Variants in DNAJC24 observed in about 807,000 individuals in gnomAD.
DNAJC24 encodes dnaJ homolog subfamily C member 24.
In DNAJC24, 17 loss-of-function variants were observed where a neutral mutation model predicts 18.0. The observed-to-expected ratio is 0.94, with a 90% CI of 0.65 to 1.42. DNAJC24 has a LOEUF of 1.42. Among genes scored for constraint, DNAJC24 ranks in the 40% most tolerant of loss-of-function variants. DNAJC24 has a pLI of 0.00. For missense variants in DNAJC24, 158 were observed against 175.6 expected (o/e 0.90, Z 0.57); for synonymous variants, 55 against 57.7 (o/e 0.95, Z 0.21).
intron 2 of DNAJC24, among the ~76,000 whole-genome samples, chr11:31,371,317 T>G (rs976660474): frequency 6.6e-6 from 1 of 152,220 alleles, no homozygotes; most frequent in African/African-American, 2.4e-5. Context: ...TAAAAGGAAT[T>G]AAAATAATTT....
intron 2 of DNAJC24, among the ~76,000 whole-genome samples, chr11:31,386,102 C>T (rs1952427708): frequency 1.3e-5 from 2 of 152,080 alleles, no homozygotes; most frequent in African/African-American, 4.8e-5. Flanking sequence ...ATCTGAGTTC[C>T]AATTCCAGCA....
At chr11:31,416,928 C>T (rs1178940331) in intron 3 of DNAJC24, 1 of 152,082 alleles carries the variant, frequency 6.6e-6, no homozygotes. Context: ...AATGGAAGCA[C>T]CTGTGGCCTA....
intron 2 of DNAJC24, among the ~76,000 whole-genome samples, chr11:31,377,965 C>T (rs1952334834): frequency 6.6e-6 from 1 of 152,000 alleles, no homozygotes; most frequent in Admixed American, 6.5e-5. Flanking sequence ...CAGAGGGTCT[C>T]ATTTGATTAG....
At chr11:31,409,351 T>C (rs746497408) in intron 2 of DNAJC24, among the ~76,000 whole-genome samples, 12 of 152,202 alleles carry the variant, frequency 7.9e-5, no homozygotes, top group Non-Finnish European at 1.6e-4. Flanking sequence ...AAATAAGATA[T>C]AGCACATTTC....
intron 2 of DNAJC24, among the ~76,000 whole-genome samples, chr11:31,392,376 AC>A (rs1361929983): frequency 6.6e-6 from 1 of 152,118 alleles, no homozygotes. Flanking sequence ...AAATATATAA[AC>A]CTAGTATGTA....
intron 2 of DNAJC24, among the ~76,000 whole-genome samples, chr11:31,397,371 T>C (rs2133482778): frequency 6.6e-6 from 1 of 152,344 alleles, no homozygotes; most frequent in African/African-American, 2.4e-5. Context: ...CATGTTTCAT[T>C]TGTTAACTTG....
intron 3 of DNAJC24, among the ~76,000 whole-genome samples, chr11:31,420,241 A>G (rs913179880): frequency 2.0e-5 from 3 of 152,086 alleles, no homozygotes; most frequent in Non-Finnish European, 4.4e-5. Flanking sequence ...GTTATTAATC[A>G]GAACCATCCT....
chr11:31,370,790 C>T lies in DNAJC24; in HGVS notation c.42C>T (p.Ser14=), dbSNP rs754945097. The part of the protein sequence containing the change: ...VEQMPKKDWY[S]ILGADPSANI... The stretch of plus-strand genomic sequence containing the variant: ...AGATGCCAAAAAAGGATTGGTACAG[C>T]ATCCTGGGAGCAGACCCATCTGCAA... Residue 14 remains serine (S), a synonymous_variant, in exon 2 of 5, where the codon AGC becomes AGT. Transcript: ENST00000465995. 7 of 1,613,182 alleles carry T rather than the reference C, an allele frequency of 4.3e-6. No homozygotes were observed. In the East Asian group the frequency reaches 8.9e-5, roughly 21 times the overall value.
At chr11:31,402,254 G>C (rs1383384477) in intron 2 of DNAJC24, among the ~76,000 whole-genome samples, 1 of 149,100 alleles carries the variant, frequency 6.7e-6, no homozygotes, top group Non-Finnish European at 1.5e-5. Flanking sequence ...CCATAGAAAA[G>C]GTACAGTAAA....
At chr11:31,423,672 TTA>T (rs1432282615) in intron 3 of DNAJC24, among the ~76,000 whole-genome samples, 1 of 152,182 alleles carries the variant, frequency 6.6e-6, no homozygotes, top group African/African-American at 2.4e-5. Flanking sequence ...ATACAGTGTG[TTA>T]TATTTTTTTG....
intron 3 of DNAJC24, chr11:31,416,002 G>A (rs1591918988): frequency 6.6e-6 from 1 of 152,250 alleles, no homozygotes; most frequent in South Asian, 2.1e-4. Flanking sequence ...GAAAATTAAG[G>A]TTTCTTATAG....
intron 2 of DNAJC24, chr11:31,407,445 A>C (rs1240989794): frequency 3.3e-5 from 5 of 152,002 alleles, no homozygotes; most frequent in Admixed American, 2.6e-4. Flanking sequence ...TGAATATATA[A>C]TATTCACAAG....
intron 2 of DNAJC24, among the ~76,000 whole-genome samples, chr11:31,371,814 C>CTTTTT (rs1196949855): frequency 2.7e-5 from 2 of 73,840 alleles, no homozygotes; most frequent in Non-Finnish European, 2.8e-5. Flanking sequence ...TATCAGTTGA[C>CTTTTT]TTTTTTTTTT....
rs1463820398 is a variant in DNAJC24, at chr11:31,369,921, G to C, written c.-34+9G>C. ...CGCCTATGTGAAGTTAGGTAGGTCT[G>C]ATGTCGTATAAAGCGCGGAGAGGGT... On this transcript the variant is annotated intron_variant, in intron 1 of 4. Coordinates refer to ENST00000465995, the MANE Select transcript of DNAJC24 (RefSeq NM_181706.5). 1 of 152,598 alleles carries C rather than the reference G, an allele frequency of 6.6e-6. No homozygotes were observed. The highest frequency in any genetic ancestry group is 2.4e-5 in the African/African-American group (1 of 41,458). The allele number at this position is 152,598 out of a possible 1,614,324, so 9.5% of individuals were successfully genotyped here. A position where few individuals can be genotyped will look rare whatever the true frequency, so the allele number is the denominator to read the frequency against.
intron 2 of DNAJC24, among the ~76,000 whole-genome samples, chr11:31,393,103 G>A (rs1019091430): frequency 7.6e-4 from 115 of 152,116 alleles, no homozygotes; most frequent in African/African-American, 2.7e-3. Context: ...AGTCCAAATG[G>A]ACTAAGACAG....
At chr11:31,399,661 C>T (rs1204361260) in intron 2 of DNAJC24, among the ~76,000 whole-genome samples, 1 of 151,546 alleles carries the variant, frequency 6.6e-6, no homozygotes, top group African/African-American at 2.4e-5. Context: ...ATCTGCCCGC[C>T]TCGGCCTCCC....
At chr11:31,387,314 C>T (rs200501218) in intron 2 of DNAJC24, among the ~76,000 whole-genome samples, 24 of 152,286 alleles carry the variant, frequency 1.6e-4, no homozygotes, top group African/African-American at 5.5e-4. Context: ...GCGGTGGTGG[C>T]TTCAAGTCTG....
At chr11:31,414,750 TA>T in intron 2 of DNAJC24, 60 bp from the exon 3 acceptor site, 2 of 1,506,092 alleles carry the variant, frequency 1.3e-6, no homozygotes, top group African/African-American at 1.4e-5. Context: ...ACAATTTTTT[TA>T]AATCTAACCC....
chr11:31,409,754 T>G (rs1215907888), intron 2 of DNAJC24, among the ~76,000 whole-genome samples: 1 of 152,248 alleles, frequency 6.6e-6, no homozygotes, highest in Non-Finnish European at 1.5e-5. Flanking sequence ...TTTTCATTTT[T>G]ATTGATCATG....
Sources: gnomAD v4.1 joint callset for allele counts (sites outside exome capture counted in the v4.1 genomes callset) on GRCh38, gnomAD v4.1.1 for gene constraint, MANE v1.5 for transcripts, NCBI Gene and HGNC (gene_info 2026-07-23, HGNC 2026-07-21) for gene names.